SGCD: variants seen among roughly 807,000 people sequenced by gnomAD.
SGCD encodes the protein delta-sarcoglycan.
SGCD carries 18 observed loss-of-function variants against 36.6 expected under a neutral mutation model. The ratio of observed to expected loss-of-function variants is 0.49; its 90% CI spans 0.34 to 0.73. The LOEUF is 0.73. Among genes scored for constraint, SGCD ranks in the 30% least tolerant of loss-of-function variants. The probability of loss-of-function intolerance (pLI) is 0.01; values close to 1 mark genes in which losing one functional copy is unlikely to be tolerated. For synonymous variants in SGCD, 133 were observed against 130.6 expected, an observed-to-expected ratio of 1.02 and a Z score of -0.12; for missense variants, 387 against 346.7, an observed-to-expected ratio of 1.12 and a Z score of -0.92.
chr5:155,957,734 A>T (rs1757693411), intron 1 of SGCD, among the ~76,000 whole-genome samples: 1 of 152,114 alleles, frequency 6.6e-6, no homozygotes, highest in Non-Finnish European at 1.5e-5. Context: ...AACCAGCCTT[A>T]TTTTAAGGTC....
chr5:156,150,995 A>G (rs1468527061), intron 3 of SGCD, among the ~76,000 whole-genome samples: 2 of 151,684 alleles, frequency 1.3e-5, no homozygotes, highest in African/African-American at 4.9e-5. Flanking sequence ...AGATAAACAT[A>G]AAAAAGGTAA....
upstream of SGCD, chr5:156,327,012 G>A (rs1445939205): frequency 6.6e-6 from 1 of 152,334 alleles, no homozygotes; most frequent in East Asian, 1.9e-4. Context: ...TTTCAAAGCA[G>A]TCAGAAAAAG....
the SGCD span, among the ~76,000 whole-genome samples, chr5:155,831,434 G>A: frequency 1.1e-4 from 16 of 152,274 alleles, no homozygotes; most frequent in African/African-American, 3.4e-4. Context: ...TTAAATAGTG[G>A]GAAACGTAGA....
At chr5:155,843,454 C>T in the SGCD span, among the ~76,000 whole-genome samples, 2 of 152,146 alleles carry the variant, frequency 1.3e-5, no homozygotes, top group Non-Finnish European at 2.9e-5. Flanking sequence ...AGGGAGGTAA[C>T]AGCAGATTTA....
intron 3 of SGCD, among the ~76,000 whole-genome samples, chr5:156,203,774 G>A (rs1183475767): frequency 1.3e-5 from 2 of 152,032 alleles, no homozygotes; most frequent in Non-Finnish European, 2.9e-5. Context: ...GTTAATTAGC[G>A]GCAGTGGAGA....
intron 1 of SGCD, among the ~76,000 whole-genome samples, chr5:156,073,675 G>A (rs75721459): frequency 0.066 from 9,989 of 152,280 alleles, 1,042 homozygotes; most frequent in African/African-American, 0.22. Context: ...TTAGGGCTGT[G>A]AGAAATTCAA....
At chr5:156,573,576 G>A (rs763232096) in intron 4 of SGCD, among the ~76,000 whole-genome samples, 1 of 152,182 alleles carries the variant, frequency 6.6e-6, no homozygotes, top group Non-Finnish European at 1.5e-5. Context: ...GTAAAGAACA[G>A]CATTGACTAT....
chr5:156,608,082 C>A (rs1281252027), intron 6 of SGCD, among the ~76,000 whole-genome samples: 1 of 152,154 alleles, frequency 6.6e-6, no homozygotes, highest in Non-Finnish European at 1.5e-5. Context: ...TTGCCTTCTG[C>A]TAGTTTTTGA....
chr5:155,877,230 A>AT (rs1755785184), intron 1 of SGCD, among the ~76,000 whole-genome samples: 1 of 152,070 alleles, frequency 6.6e-6, no homozygotes, highest in Non-Finnish European at 1.5e-5. Context: ...TCATACCGAA[A>AT]TGGCCACATC....
chr5:155,811,533 G>A, the SGCD span, among the ~76,000 whole-genome samples: 1 of 152,128 alleles, frequency 6.6e-6, no homozygotes, highest in Non-Finnish European at 1.5e-5. Context: ...CATTAAGCTG[G>A]GGACAAGCAT....
At chr5:155,921,649 C>A (rs1756882404) in intron 1 of SGCD, among the ~76,000 whole-genome samples, 1 of 152,120 alleles carries the variant, frequency 6.6e-6, no homozygotes, top group Non-Finnish European at 1.5e-5. Flanking sequence ...TCTGAGGATT[C>A]TAGCTGTTTA....
intron 4 of SGCD, among the ~76,000 whole-genome samples, chr5:156,522,377 A>T (rs150430862): frequency 2.6e-5 from 4 of 152,194 alleles, no homozygotes; most frequent in African/African-American, 9.7e-5. Flanking sequence ...AATGTGGTAC[A>T]TATACACCAT....
At chr5:155,977,783 G>A (rs1344835190) in intron 1 of SGCD, among the ~76,000 whole-genome samples, 2 of 152,184 alleles carry the variant, frequency 1.3e-5, no homozygotes, top group Non-Finnish European at 2.9e-5. Context: ...ATTTTCATAA[G>A]TGGGTAGCCT....
At chr5:156,359,829 T>C (rs868289155) in intron 3 of SGCD, among the ~76,000 whole-genome samples, 15 of 152,228 alleles carry the variant, frequency 9.9e-5, no homozygotes, top group African/African-American at 3.6e-4. Flanking sequence ...AATTGTTTTC[T>C]CTTTGTGTTT....
chr5:156,553,550 C>T (rs1200638703), intron 4 of SGCD, among the ~76,000 whole-genome samples: 1 of 152,110 alleles, frequency 6.6e-6, no homozygotes, highest in African/African-American at 2.4e-5. Context: ...ATCATCACCA[C>T]TGCCTAATTC....
At chr5:155,831,945 G>T in the SGCD span, among the ~76,000 whole-genome samples, 1 of 152,272 alleles carries the variant, frequency 6.6e-6, no homozygotes, top group African/African-American at 2.4e-5. Context: ...TAAGGGCCCT[G>T]ATGTTGGAAG....
At chr5:156,329,893 C>T (rs918759483) in intron 2 of SGCD, among the ~76,000 whole-genome samples, 15 of 150,966 alleles carry the variant, frequency 9.9e-5, no homozygotes, top group South Asian at 4.2e-4. Context: ...GGTGGGCGCC[C>T]GTAGTCCCAG....
intron 1 of SGCD, among the ~76,000 whole-genome samples, chr5:155,970,921 T>C (rs1353985031): frequency 1.3e-5 from 2 of 152,178 alleles, no homozygotes; most frequent in Non-Finnish European, 2.9e-5. Context: ...TCTTAGGCAA[T>C]TCAGTGACGT....
intron 3 of SGCD, among the ~76,000 whole-genome samples, chr5:156,248,897 G>A (rs1475652574): frequency 1.3e-5 from 2 of 152,206 alleles, no homozygotes; most frequent in African/African-American, 4.8e-5. Context: ...GATGTCAAAG[G>A]TGATTCTAGG....
Sources: allele counts gnomAD v4.1 joint callset (sites outside exome capture counted in the v4.1 genomes callset), GRCh38; gene constraint gnomAD v4.1.1; transcripts MANE v1.5; gene names NCBI Gene and HGNC (gene_info 2026-07-23, HGNC 2026-07-21).